Variants in MRS2 observed in about 807,000 individuals in gnomAD.
MRS2 encodes the protein magnesium transporter MRS2.
In MRS2, 40 loss-of-function variants were observed where a neutral mutation model predicts 52.6. That is an observed-to-expected ratio of 0.76 (90% CI 0.59 to 0.99). MRS2 has a LOEUF of 0.99. MRS2 is among the 50% of genes least tolerant of loss of function. The pLI, the probability that MRS2 is intolerant of heterozygous loss-of-function variation, is 0.00. For missense variants in MRS2, 472 were observed against 532.7 expected, an observed-to-expected ratio of 0.89 and a Z score of 1.12; for synonymous variants, 193 against 195.9, an observed-to-expected ratio of 0.98 and a Z score of 0.13.
In MRS2 at chr6:24,415,050, G is replaced by A. The variant is rs536649835; in HGVS notation, c.606G>A (p.Gly202=). 2.5e-6 allele frequency: 4 copies of A among 1,610,274 alleles called. No homozygotes were observed. In the African/African-American group the frequency reaches 4.0e-5, roughly 16 times the overall value. The part of the protein sequence containing the change: ...LLQYWINTLQ[G]KLSILQPLIL... ...TTATCTAGATCAACACCCTTCAGGG[G>A]AAACTTAGCATTTTGCAGCCACTGA... Residue 202 remains glycine (G), a synonymous_variant, in exon 6 of 11, where the codon GGG becomes GGA. Transcript: ENST00000378386.
intron 9 of MRS2, among the ~76,000 whole-genome samples, chr6:24,420,041 A>C (rs1232042756): frequency 6.6e-6 from 1 of 152,186 alleles, no homozygotes; most frequent in East Asian, 1.9e-4. Flanking sequence ...ATAAGATGTA[A>C]GTATTATGAC....
intron 7 of MRS2, among the ~76,000 whole-genome samples, chr6:24,416,873 G>A (rs1352036687): frequency 2.0e-5 from 3 of 152,162 alleles, no homozygotes; most frequent in Admixed American, 1.3e-4. Flanking sequence ...GTAAATACAC[G>A]AGTAACACAT....
In MRS2 at chr6:24,412,370, C is replaced by T. The variant is rs1172263156; in HGVS notation, c.563C>T (p.Ala188Val). ...TACCCTTTACCTTTTGAGTTTAGAG[C>T]TATAGAAGCACTCCTGCAATATTGG... is the stretch of plus-strand genomic sequence containing the variant. ...VTYPLPFEFRAIEALLQYWIN... is the reference protein window; with the variant it reads ...VTYPLPFEFRVIEALLQYWIN... The change falls in exon 5 of 11, where the codon GCT becomes GTT. Residue 188 changes from alanine to valine, a missense_variant. Ala to Val is a moderately conservative substitution (Grantham distance 64). Coordinates refer to ENST00000378386, the MANE Select transcript of MRS2 (RefSeq NM_020662.4). 2 of 1,576,712 alleles carry T rather than the reference C, an allele frequency of 1.3e-6. No individual in the cohort carries two copies. The highest frequency in any genetic ancestry group is 1.7e-6 in the Non-Finnish European group (2 of 1,164,700).
Position 24,403,095 on chromosome 6 carries a change from C to A in MRS2, c.49C>A (p.Leu17Ile). Reference protein sequence around the residue: ...LPCLLPRAMRLPRRTLCALAL... With the variant: ...LPCLLPRAMRIPRRTLCALAL... ...CTGCCTCCTGCCCCGCGCGATGAGA[C>A]TTCCCCGGCGGACGCTGTGTGCCCT... is the stretch of plus-strand genomic sequence containing the variant. Residue 17 changes from leucine to isoleucine, a missense_variant, in exon 1 of 11, where the codon CTT becomes ATT. Leu to Ile is a conservative substitution (Grantham distance 5). Coordinates refer to ENST00000378386, the MANE Select transcript of MRS2 (RefSeq NM_020662.4). The A allele has an allele frequency of 6.2e-7, 1 of 1,612,450 alleles. No homozygotes were observed. Among genetic ancestry groups the A allele is most frequent in the Non-Finnish European group, 8.5e-7 (1 of 1,179,796 alleles).
At chr6:24,423,383 G>C (rs1384852382) in intron 10 of MRS2, 1 of 490,184 alleles carries the variant, frequency 2.0e-6, no homozygotes, top group Non-Finnish European at 3.6e-6. Context: ...GGAAATGTAG[G>C]AAACATTTAT....
At chr6:24,418,660 AGGC>A in intron 9 of MRS2, 82 bp downstream of exon 9, 1 of 1,035,364 alleles carries the variant, frequency 9.7e-7, no homozygotes, top group Non-Finnish European at 1.5e-6. Flanking sequence ...GCACTTTAGG[AGGC>A]TGAGGCAGGT....
intron 2 of MRS2, 25 bp from the exon 3 acceptor site, chr6:24,408,380 CATA>C (rs747680678): frequency 6.9e-7 from 1 of 1,441,374 alleles, no homozygotes; most frequent in Non-Finnish European, 9.7e-7. Flanking sequence ...GAAAGAAAAT[CATA>C]ATTTGTTTTA....
rs202045737 is a variant in MRS2, at chr6:24,418,457, C to G, written c.990-4C>G. ...CTAATCTGAATAGGTGTTCTCCTCT[C>G]CAGCCACCGAAACGTGATGATGAGG... On this transcript the variant is annotated splice_region_variant and splice_polypyrimidine_tract_variant and intron_variant, in intron 8 of 10. Coordinates refer to ENST00000378386, the MANE Select transcript of MRS2 (RefSeq NM_020662.4). 1 of 1,613,834 alleles carries G rather than the reference C, an allele frequency of 6.2e-7. No homozygotes were observed. Among genetic ancestry groups the G allele is most frequent in the South Asian group, 1.1e-5 (1 of 91,060 alleles).
chr6:24,422,603 CTG>C (rs147104067), intron 9 of MRS2, among the ~76,000 whole-genome samples: 18,269 of 152,140 alleles, frequency 0.12, 1,454 homozygotes, highest in East Asian at 0.16. Flanking sequence ...AGTTTGAGAA[CTG>C]TGGATATAAG....
intron 4 of MRS2, among the ~76,000 whole-genome samples, chr6:24,411,758 C>T (rs981560699): frequency 1.3e-5 from 2 of 151,856 alleles, no homozygotes; most frequent in Non-Finnish European, 2.9e-5. Flanking sequence ...AGGATGGTCT[C>T]GATCTCTTGA....
intron 1 of MRS2, among the ~76,000 whole-genome samples, chr6:24,403,617 C>T (rs1761363518): frequency 6.6e-6 from 1 of 152,172 alleles, no homozygotes; most frequent in Non-Finnish European, 1.5e-5. Context: ...CAGGGTCTTA[C>T]TATGTTGCCC....
Position 24,409,500 on chromosome 6 carries a change from AAGCCAGAGATTTGAGATTTC to A in MRS2, c.345_364del (p.Arg116CysfsTer10). On this transcript the variant is annotated frameshift_variant, in exon 4 of 11. Transcript: ENST00000378386. LOFTEE classifies it high-confidence loss of function. The stretch of plus-strand genomic sequence containing the variant: ...GAATTATACCAAGAGTTAGGTCTTC[AAGCCAGAGATTTGAGATTTC>A]AGCATGTAATGAGTATCACAGTCAG... 1 of 1,612,054 alleles carries A rather than the reference AAGCCAGAGATTTGAGATTTC, an allele frequency of 6.2e-7. No individual in the cohort carries two copies. Among genetic ancestry groups the A allele is most frequent in the Non-Finnish European group, 8.5e-7 (1 of 1,178,852 alleles).
rs967998995 is a variant in MRS2 at position 24,425,660 on chromosome 6, A to G, written c.*1966A>G. 4 of 152,354 alleles carry G rather than the reference A, an allele frequency of 2.6e-5. No individual in the cohort carries two copies. In the East Asian group the frequency reaches 5.8e-4, roughly 22 times the overall value. 9.4% of individuals were successfully genotyped at this position (152,354 alleles called of 1,614,324 possible). ...CATTAATTACTGTTTGAAAGTAGGTACCAAACACTGGGTTATGTGAGTGAG... is the reference window on the plus strand; with the variant it reads ...CATTAATTACTGTTTGAAAGTAGGTGCCAAACACTGGGTTATGTGAGTGAG... On this transcript the variant is annotated 3_prime_UTR_variant, in exon 11 of 11. Coordinates refer to ENST00000378386, the MANE Select transcript of MRS2 (RefSeq NM_020662.4).
At chr6:24,412,118 A>G (rs1465208634) in intron 4 of MRS2, 104 bp from the exon 5 acceptor site, 2 of 591,394 alleles carry the variant, frequency 3.4e-6, no homozygotes, top group Non-Finnish European at 5.1e-6. Context: ...CTACAGCTCT[A>G]CAATTTGCAT....
At chr6:24,409,394 C>A in intron 3 of MRS2, 67 bp from the exon 4 acceptor site, 1 of 950,552 alleles carries the variant, frequency 1.1e-6, no homozygotes, top group Non-Finnish European at 1.6e-6. Context: ...GGGAGGACTG[C>A]TCTGATGGAA....
Position 24,416,453 on chromosome 6 carries a change from T to C in MRS2, c.776T>C (p.Leu259Ser), listed in dbSNP as rs530041972. 1 of 1,607,154 alleles carries C rather than the reference T, an allele frequency of 6.2e-7. No individual in the cohort carries two copies. Among genetic ancestry groups the C allele is most frequent in the East Asian group, 2.2e-5 (1 of 44,748 alleles). Reference protein sequence around the residue: ...KIFKESILEILDEEELLEELC... With the variant: ...KIFKESILEISDEEELLEELC... The stretch of plus-strand genomic sequence containing the variant: ...TTCAAAGAGTCAATTTTGGAGATCT[T>C]GGATGAGGAAGAGTTGCTAGAAGAG... Residue 259 changes from leucine to serine, a missense_variant, in exon 7 of 11, where the codon TTG becomes TCG. Transcript: ENST00000378386.
Position 24,412,252 on chromosome 6 carries a change from C to G in MRS2, c.445C>G (p.Leu149Val). Reference sequence around the variant, plus strand: ...GAAAGCTGTGATAACTCCAGAGTGTCTTCTGATATTAGATTATCGTAATTT... The same window carrying G: ...GAAAGCTGTGATAACTCCAGAGTGTGTTCTGATATTAGATTATCGTAATTT... ...YLKAVITPEC[L>V]LILDYRNLNL... Residue 149 changes from leucine to valine, a missense_variant, in exon 5 of 11, where the codon CTT becomes GTT. Leu to Val is a conservative substitution (Grantham distance 32). Transcript: ENST00000378386. 6.3e-7 allele frequency: 1 copy of G among 1,577,720 alleles called. No homozygotes were observed. Among genetic ancestry groups the G allele is most frequent in the Non-Finnish European group, 8.6e-7 (1 of 1,165,142 alleles).
At chr6:24,406,602 C>T (rs577523370) in intron 2 of MRS2, among the ~76,000 whole-genome samples, 1 of 151,986 alleles carries the variant, frequency 6.6e-6, no homozygotes, top group African/African-American at 2.4e-5. Context: ...GGTGAAACCC[C>T]GTCTCTACTA....
chr6:24,414,582 CTT>C (rs1761778318), intron 5 of MRS2, among the ~76,000 whole-genome samples: 2 of 152,190 alleles, frequency 1.3e-5, no homozygotes, highest in South Asian at 4.1e-4. Context: ...TCTGATCTCT[CTT>C]TCTTTTCTCC....
Sources: allele counts gnomAD v4.1 joint callset (sites outside exome capture counted in the v4.1 genomes callset), GRCh38; gene constraint gnomAD v4.1.1; transcripts MANE v1.5; gene names NCBI Gene and HGNC (gene_info 2026-07-23, HGNC 2026-07-21).